The following TMPO variants were observed in gnomAD, a reference collection of about 807,000 sequenced individuals.
The protein encoded by TMPO is LEM domain containing 4.
TMPO carries 22 observed loss-of-function variants against 45.4 expected under a neutral mutation model. The ratio of observed to expected loss-of-function variants is 0.48; its 90% confidence interval spans 0.35 to 0.69. The LOEUF is 0.69. TMPO is among the 30% of genes least tolerant of loss of function. The pLI is 0.01. For synonymous variants in TMPO, 241 were observed against 204.1 expected (o/e 1.18, Z -1.54); for missense variants, 512 against 548.8 (o/e 0.93, Z 0.67).
At chr12:98,540,816 TAGCG>T (rs1226405933) in intron 4 of TMPO, among the ~76,000 whole-genome samples, 1 of 152,244 alleles carries the variant, frequency 6.6e-6, no homozygotes, top group Non-Finnish European at 1.5e-5. Flanking sequence ...TTAAATGATA[TAGCG>T]GCCTTCCTGT....
chr12:98,528,695 A>C (rs1332499697), intron 2 of TMPO, among the ~76,000 whole-genome samples: 3 of 151,796 alleles, frequency 2.0e-5, no homozygotes, highest in Non-Finnish European at 4.4e-5. Flanking sequence ...GCAGTAGCTC[A>C]CACCTGTAAT....
chr12:98,518,984 C>T (rs1876118149), intron 1 of TMPO, among the ~76,000 whole-genome samples: 1 of 151,834 alleles, frequency 6.6e-6, no homozygotes, highest in Admixed American at 6.6e-5. Context: ...TGGGTTCATG[C>T]CATTTTCCTG....
intron 1 of TMPO, among the ~76,000 whole-genome samples, chr12:98,519,319 C>T (rs895269486): frequency 6.6e-6 from 1 of 152,134 alleles, no homozygotes; most frequent in Non-Finnish European, 1.5e-5. Context: ...CTGCCTCGAC[C>T]TCCCGAGTAG....
rs1398440160 is a variant in TMPO, at chr12:98,537,510, C to T, written c.601C>T (p.Pro201Ser). 1.9e-6 allele frequency: 3 copies of T among 1,613,566 alleles called. No individual in the cohort carries two copies. Among genetic ancestry groups the T allele is most frequent in the Non-Finnish European group, 2.5e-6 (3 of 1,179,748 alleles). ...AGAGCTCAAGCTTGAGAAGAGAGAA[C>T]CACTAAAGGGCAGAGCAAAGACTCC... ...KIELKLEKRE[P>S]LKGRAKTPVT... The change falls in exon 4 of 9, where the codon CCA becomes TCA. Residue 201 changes from proline (P) to serine (S), a missense_variant. By Grantham distance (74) the Pro-to-Ser change is moderately conservative. This residue lies in a region of TMPO where 299 missense variants were observed against 296.7 expected (regional missense o/e 1.01). Transcript: ENST00000556029.
Position 98,548,368 on chromosome 12 carries a change from T to TCC in TMPO, c.*510_*511insCC, listed in dbSNP as rs1878347129. The TCC allele has an allele frequency of 6.3e-6, 1 of 158,668 alleles. No individual in the cohort carries two copies. The highest frequency in any genetic ancestry group is 1.4e-5 in the Non-Finnish European group (1 of 72,222). The allele number at this position is 158,668 out of a possible 1,614,324, so 9.8% of individuals were successfully genotyped here. A position where few individuals can be genotyped will look rare whatever the true frequency, so the allele number is the denominator to read the frequency against. ...AACTGCAACAAAGTTTGATGGTGTT[T>TCC]ATGAGGAAAAGTACAGCAATAATCT... On this transcript the variant is annotated 3_prime_UTR_variant, in exon 9 of 9. Transcript: ENST00000556029.
At chr12:98,520,557 G>C (rs193117281) in intron 1 of TMPO, among the ~76,000 whole-genome samples, 24 of 149,190 alleles carry the variant, frequency 1.6e-4, no homozygotes, top group African/African-American at 5.9e-4. Context: ...CACCTGCCTC[G>C]GCCTCCCAAA....
At chr12:98,539,089 A>G (rs1877745341) in intron 4 of TMPO, among the ~76,000 whole-genome samples, 1 of 151,440 alleles carries the variant, frequency 6.6e-6, no homozygotes, top group East Asian at 1.9e-4. Flanking sequence ...AATCCTAGCT[A>G]CTCCGGAGGC....
intron 1 of TMPO, 25 bp downstream of exon 1, chr12:98,516,171 A>G (rs1043506960): frequency 2.5e-5 from 33 of 1,345,352 alleles, no homozygotes; most frequent in Non-Finnish European, 2.9e-5. Context: ...CCGGGGCTAC[A>G]AAGGCGGGCG....
intron 3 of TMPO, chr12:98,532,957 G>C: frequency 1.2e-6 from 2 of 1,614,010 alleles, no homozygotes; most frequent in Non-Finnish European, 1.7e-6. Context: ...TCCTCCTTTG[G>C]GCAGTACCGA....
intron 2 of TMPO, among the ~76,000 whole-genome samples, 177 bp downstream of exon 2, chr12:98,528,189 A>G (rs1015072715): frequency 1.3e-5 from 2 of 151,622 alleles, no homozygotes; most frequent in African/African-American, 4.9e-5. Flanking sequence ...AGAGGATTGA[A>G]TTAGATAATC....
intron 6 of TMPO, 52 bp from the exon 7 acceptor site, chr12:98,544,899 G>T: frequency 7.7e-7 from 1 of 1,301,102 alleles, no homozygotes; most frequent in Non-Finnish European, 1.1e-6. Flanking sequence ...CTTTTTAAGT[G>T]TCTGTGTTAT....
intron 2 of TMPO, among the ~76,000 whole-genome samples, chr12:98,528,338 G>A (rs961551735): frequency 1.3e-5 from 2 of 150,466 alleles, no homozygotes; most frequent in Non-Finnish European, 3.0e-5. Flanking sequence ...GTGCAGTGAC[G>A]CGATCTCGGC....
At chr12:98,527,592 T>G (rs1876875118) in intron 1 of TMPO, 1 of 255,202 alleles carries the variant, frequency 3.9e-6, no homozygotes, top group Non-Finnish European at 7.5e-6. Flanking sequence ...TTTTAGTTGC[T>G]CTTTTGCATT....
intron 7 of TMPO, 65 bp from the exon 8 acceptor site, chr12:98,546,294 T>G: frequency 9.3e-7 from 1 of 1,072,454 alleles, no homozygotes; most frequent in Non-Finnish European, 1.5e-6. Context: ...CTATTTATGT[T>G]TTAATTATTG....
chr12:98,540,472 A>C (rs1479608271), intron 4 of TMPO, among the ~76,000 whole-genome samples: 1 of 152,116 alleles, frequency 6.6e-6, no homozygotes, highest in Non-Finnish European at 1.5e-5. Flanking sequence ...TCTGCCTCCC[A>C]AGTTCAAGCG....
chr12:98,546,571 A>T lies in TMPO; in HGVS notation c.1079+124A>T, dbSNP rs1337426798. ...AGCTGTTTTTTTGGAGCCAGGTACA[A>T]TGGTACATGCCTGTAGTCCCAGCTA... On this transcript the variant is annotated intron_variant, in intron 8 of 8. Coordinates refer to ENST00000556029, the MANE Select transcript of TMPO (RefSeq NM_001032283.3). The T allele has an allele frequency of 6.4e-5, 49 of 769,916 alleles. No homozygotes were observed. In the East Asian group the frequency reaches 1.2e-3, roughly 19 times the overall value. 47.7% of individuals were successfully genotyped at this position (769,916 alleles called of 1,614,324 possible). A position where few individuals can be genotyped will look rare whatever the true frequency, so the allele number is the denominator to read the frequency against.
intron 1 of TMPO, among the ~76,000 whole-genome samples, chr12:98,517,690 G>A (rs1355192735): frequency 6.6e-6 from 1 of 152,202 alleles, no homozygotes; most frequent in Non-Finnish European, 1.5e-5. Context: ...ACATAGTAGT[G>A]CCAAATATTT....
Position 98,547,747 on chromosome 12 carries a change from G to C in TMPO, c.1254G>C (p.Leu418Phe). 6.2e-7 allele frequency: 1 copy of C among 1,614,148 alleles called. No homozygotes were observed. The change falls in exon 9 of 9, where the codon TTG becomes TTC. Residue 418 changes from leucine to phenylalanine, a missense_variant. Around this residue, in one of 3 missense-constraint regions of TMPO, gnomAD observed 209 missense variants for 235.1 expected, o/e 0.89. Transcript: ENST00000556029. ...GRSIPVWIKI[L>F]LFVVVAVFLF... ...CCATTCCCGTATGGATAAAAATTTTGCTGTTTGTTGTTGTGGCAGTTTTTT... is the reference window on the plus strand; with the variant it reads ...CCATTCCCGTATGGATAAAAATTTTCCTGTTTGTTGTTGTGGCAGTTTTTT...
chr12:98,541,828 T>G (rs1245506926), intron 4 of TMPO, among the ~76,000 whole-genome samples: 1 of 152,202 alleles, frequency 6.6e-6, no homozygotes, highest in Non-Finnish European at 1.5e-5. Flanking sequence ...ATATTTTGTT[T>G]CTTTTTAAAA....
Sources: allele counts gnomAD v4.1 joint callset (sites outside exome capture counted in the v4.1 genomes callset), GRCh38; gene constraint gnomAD v4.1.1; regional missense constraint gnomAD v4.1.1; transcripts MANE v1.5; gene names NCBI Gene and HGNC (gene_info 2026-07-23, HGNC 2026-07-21).